Variants in KCNQ1 observed in about 807,000 individuals in gnomAD.
KCNQ1 encodes potassium voltage-gated channel subfamily Q member 1.
Under a neutral mutation model 72.4 loss-of-function variants are expected in KCNQ1, and 49 were observed. The ratio of observed to expected loss-of-function variants is 0.68; its 90% CI spans 0.54 to 0.86. The LOEUF (loss-of-function observed/expected upper bound fraction) is 0.86. Ranked by LOEUF, KCNQ1 falls within the 40% of genes least tolerant of loss-of-function variation. The probability of loss-of-function intolerance (pLI) is 0.00; values close to 1 mark genes in which losing one functional copy is unlikely to be tolerated. For missense variants in KCNQ1, 790 were observed against 945.1 expected, an observed-to-expected ratio of 0.84 and a Z score of 2.15; for synonymous variants, 450 against 412.6, an observed-to-expected ratio of 1.09 and a Z score of -1.10.
In KCNQ1 at chr11:2,748,716, C is replaced by CT. The variant is rs1846177144; in HGVS notation, c.1515-20127dup. ...CGGGTCCAGCCAGCTGCTGCTGCCC[C>CT]TCCCTCTGGGCCTCAAGACCATCTG... On this transcript the variant is annotated intron_variant, in intron 11 of 15. Coordinates refer to ENST00000155840, the MANE Select transcript of KCNQ1 (RefSeq NM_000218.3). This position sits in a 1 kb window ranked among gnomAD's most constrained non-coding sequence, Gnocchi z 6.2. Among the ~76,000 whole-genome samples the CT allele has an allele frequency of 6.6e-6, 1 of 152,246 alleles. No homozygotes were observed. Among genetic ancestry groups the CT allele is most frequent in the Non-Finnish European group, 1.5e-5 (1 of 68,044 alleles).
At chr11:2,546,010 T>C (rs182044897) in intron 2 of KCNQ1, among the ~76,000 whole-genome samples, 1 of 152,144 alleles carries the variant, frequency 6.6e-6, no homozygotes, top group African/African-American at 2.4e-5. Flanking sequence ...TGATTAATTT[T>C]AATTATTTTA....
Position 2,662,001 on chromosome 11 carries a change from T to C in KCNQ1, c.1434T>C (p.His478=). 1 of 1,614,164 alleles carries C rather than the reference T, an allele frequency of 6.2e-7. No homozygotes were observed. The highest frequency in any genetic ancestry group is 1.3e-5 in the African/African-American group (1 of 75,030). The change falls in exon 11 of 16, where the codon CAT becomes CAC. Residue 478 remains histidine (H), a synonymous_variant. Coordinates refer to ENST00000155840, the MANE Select transcript of KCNQ1 (RefSeq NM_000218.3). The stretch of plus-strand genomic sequence containing the variant: ...CACTGCTGGAAGTGAGCATGCCCCA[T>C]TTCATGAGAACCAACAGCTTCGCCG... ...SPTLLEVSMP[H]FMRTNSFAED...
chr11:2,821,412 C>G (rs1208500010), intron 15 of KCNQ1, among the ~76,000 whole-genome samples: 1 of 152,212 alleles, frequency 6.6e-6, no homozygotes, highest in Non-Finnish European at 1.5e-5. Flanking sequence ...AGTGGAGCCA[C>G]AGGGCCATTG....
Position 2,783,317 on chromosome 11 carries a change from A to C in KCNQ1, c.1794+5280A>C, listed in dbSNP as rs556562078. On this transcript the variant is annotated intron_variant, in intron 15 of 15. Transcript: ENST00000155840. The surrounding 1 kb of genome is among the most constrained non-coding windows in gnomAD (Gnocchi z 5.2). Reference sequence around the variant, plus strand: ...GCCCTCTTGTCAGAGAAAGCAATCCATATGATATTAATCCTTTAGAATGTT... The same window carrying C: ...GCCCTCTTGTCAGAGAAAGCAATCCCTATGATATTAATCCTTTAGAATGTT... 2.0e-4 allele frequency among the ~76,000 whole-genome samples: 31 copies of C among 152,278 alleles called. No homozygotes were observed. In the South Asian group the frequency reaches 6.0e-3, roughly 30 times the overall value.
rs780852270 is a variant in KCNQ1, at chr11:2,703,843, T to G, written c.1514+41762T>G. Among the ~76,000 whole-genome samples the G allele has an allele frequency of 2.0e-5, 3 of 152,176 alleles. No individual in the cohort carries two copies. Among genetic ancestry groups the G allele is most frequent in the Non-Finnish European group, 4.4e-5 (3 of 68,036 alleles). On this transcript the variant is annotated intron_variant, in intron 11 of 15. Transcript: ENST00000155840. This position sits in a 1 kb window ranked among gnomAD's most constrained non-coding sequence, Gnocchi z 6.4. ...TCGGAGTCTAAGGGTGGAACCATCT[T>G]CAGACCCAGCCAGGTTCCCAAGTTG...
At chr11:2,732,440 C>G (rs1845871823) in intron 11 of KCNQ1, among the ~76,000 whole-genome samples, 2 of 152,218 alleles carry the variant, frequency 1.3e-5, no homozygotes, top group South Asian at 4.1e-4. Context: ...GGACTCCTGG[C>G]TTCGTTTCTT....
intron 7 of KCNQ1, 136 bp from the exon 8 acceptor site, chr11:2,585,076 A>G (rs1485172952): frequency 2.6e-6 from 2 of 778,652 alleles, no homozygotes; most frequent in African/African-American, 3.4e-5. Context: ...GCTGGGCCCG[A>G]GGTGGGACTT....
chr11:2,682,156 A>C lies in KCNQ1; in HGVS notation c.1514+20075A>C, dbSNP rs1850409204. On this transcript the variant is annotated intron_variant, in intron 11 of 15. Coordinates refer to ENST00000155840, the MANE Select transcript of KCNQ1 (RefSeq NM_000218.3). This position sits in a 1 kb window ranked among gnomAD's most constrained non-coding sequence, Gnocchi z 5.8. Reference sequence around the variant, plus strand: ...GCTCATCAAATATTCTTTCAGTATTAAACATATCAAGCTCTCTCCTGACCT... The same window carrying C: ...GCTCATCAAATATTCTTTCAGTATTCAACATATCAAGCTCTCTCCTGACCT... 6 of 398,466 alleles carry C rather than the reference A, an allele frequency of 1.5e-5. No individual in the cohort carries two copies. In the South Asian group the frequency reaches 7.7e-4, roughly 51 times the overall value. The allele number at this position is 398,466 out of a possible 1,614,324, so 24.7% of individuals were successfully genotyped here.
rs1850253059 is a variant in KCNQ1, at chr11:2,674,419, G to GCACA, written c.1514+12340_1514+12343dup. 1 of 159,984 alleles carries GCACA rather than the reference G, an allele frequency of 6.3e-6. No individual in the cohort carries two copies. Among genetic ancestry groups the GCACA allele is most frequent in the Non-Finnish European group, 1.3e-5 (1 of 75,312 alleles). 9.9% of individuals were successfully genotyped at this position (159,984 alleles called of 1,614,324 possible). A position where few individuals can be genotyped will look rare whatever the true frequency, so the allele number is the denominator to read the frequency against. ...TGCGTGTGTGTGTGCGCGCCCGCGC[G>GCACA]CACACGACCACAGAGGCTGGGGGGA... On this transcript the variant is annotated intron_variant, in intron 11 of 15. Coordinates refer to ENST00000155840, the MANE Select transcript of KCNQ1 (RefSeq NM_000218.3). This position sits in a 1 kb window ranked among gnomAD's most constrained non-coding sequence, Gnocchi z 5.9.
rs72844288 is a variant in KCNQ1 at position 2,813,941 on chromosome 11, T to C, written c.1795-33826T>C. Reference sequence around the variant, plus strand: ...TTAGATGGATGAAGAGATAGATGAATGGATAAAGAGGTGAAAGGATGAATA... The same window carrying C: ...TTAGATGGATGAAGAGATAGATGAACGGATAAAGAGGTGAAAGGATGAATA... On this transcript the variant is annotated intron_variant, in intron 15 of 15. Coordinates refer to ENST00000155840, the MANE Select transcript of KCNQ1 (RefSeq NM_000218.3). This position sits in a 1 kb window ranked among gnomAD's most constrained non-coding sequence, Gnocchi z 4.4. Among the ~76,000 whole-genome samples, 178 of 151,340 alleles carry C rather than the reference T, an allele frequency of 1.2e-3. No individual in the cohort carries two copies. Among genetic ancestry groups the C allele is most frequent in the Non-Finnish European group, 2.2e-3 (147 of 67,828 alleles).
At chr11:2,667,806 C>G (rs968429914) in intron 11 of KCNQ1, 7 of 398,546 alleles carry the variant, frequency 1.8e-5, no homozygotes, top group East Asian at 3.6e-5. Context: ...ACCTGGGCTA[C>G]CCTGGTATAG....
At chr11:2,525,875 C>T (rs1441475823) in intron 1 of KCNQ1, among the ~76,000 whole-genome samples, 4 of 152,172 alleles carry the variant, frequency 2.6e-5, no homozygotes, top group East Asian at 1.9e-4. Flanking sequence ...GGCTGCGTCC[C>T]GGGCATGGAC....
At chr11:2,630,501 T>C (rs936483541) in intron 10 of KCNQ1, 1 of 398,246 alleles carries the variant, frequency 2.5e-6, no homozygotes, top group Non-Finnish European at 4.4e-6. Flanking sequence ...ACATTTTATT[T>C]TTGATGCCCC....
At chr11:2,672,478 C>A in intron 11 of KCNQ1, 1 of 398,666 alleles carries the variant, frequency 2.5e-6, no homozygotes, top group South Asian at 1.3e-4. Context: ...CTAAGGTCCC[C>A]ACATTCCATG....
At chr11:2,533,925 A>T (rs926462856) in intron 2 of KCNQ1, among the ~76,000 whole-genome samples, 4 of 152,166 alleles carry the variant, frequency 2.6e-5, no homozygotes, top group African/African-American at 4.8e-5. Context: ...GCCTGTGGTT[A>T]AAAAACCCCG....
intron 11 of KCNQ1, chr11:2,672,920 C>T: frequency 2.5e-6 from 1 of 398,754 alleles, no homozygotes. Context: ...CTTGGGCTGG[C>T]CATGCAGGCC....
At chr11:2,667,599 G>A (rs1170145892) in intron 11 of KCNQ1, 2 of 398,496 alleles carry the variant, frequency 5.0e-6, no homozygotes, top group Non-Finnish European at 8.8e-6. Context: ...GGTTGGGCGG[G>A]GGGCACATCC....
intron 10 of KCNQ1, chr11:2,625,886 G>A: frequency 7.5e-6 from 3 of 398,468 alleles, no homozygotes; most frequent in Non-Finnish European, 1.3e-5. Flanking sequence ...CCATTTTTCA[G>A]GTGCATTGTT....
At chr11:2,514,442 A>G (rs1282469534) in intron 1 of KCNQ1, among the ~76,000 whole-genome samples, 1 of 152,238 alleles carries the variant, frequency 6.6e-6, no homozygotes, top group Non-Finnish European at 1.5e-5. Flanking sequence ...AGGAGGCCAC[A>G]CAGCAGCTCC....
Sources: gnomAD v4.1 joint callset for allele counts (sites outside exome capture counted in the v4.1 genomes callset) on GRCh38, gnomAD v4.1.1 for gene constraint, Gnocchi (gnomAD v3.1) non-coding constraint, MANE v1.5 for transcripts, NCBI Gene and HGNC (gene_info 2026-07-23, HGNC 2026-07-21) for gene names.